The following FKBP15 variants were observed in gnomAD, a reference collection of about 807,000 sequenced individuals.
The protein encoded by FKBP15 is FK506-binding protein 15.
Under a neutral mutation model 158.1 loss-of-function variants are expected in FKBP15, and 106 were observed. That is an observed-to-expected ratio of 0.67 (90% CI 0.57 to 0.79). The LOEUF is 0.79. Among genes scored for constraint, FKBP15 ranks in the 30% least tolerant of loss-of-function variants. FKBP15 has a pLI of 0.00. For synonymous variants in FKBP15, 547 were observed against 548.6 expected, an observed-to-expected ratio of 1.00 and a Z score of 0.04; for missense variants, 1,287 against 1,479.1, an observed-to-expected ratio of 0.87 and a Z score of 2.13.
chr9:113,204,327 C>G (rs1830849053), intron 4 of FKBP15, among the ~76,000 whole-genome samples: 1 of 152,232 alleles, frequency 6.6e-6, no homozygotes, highest in Non-Finnish European at 1.5e-5. Flanking sequence ...CTTGGCTTTC[C>G]AAAGTGCTGG....
chr9:113,170,232 T>C (rs1165870545), intron 25 of FKBP15, among the ~76,000 whole-genome samples: 2 of 152,078 alleles, frequency 1.3e-5, no homozygotes, highest in Non-Finnish European at 1.5e-5. Context: ...CTCAAGTGAT[T>C]CTCCTGCCTC....
rs1830081361 is a variant in FKBP15 at position 113,165,316 on chromosome 9, T to C, written c.*762A>G. 1.3e-5 allele frequency: 2 copies of C among 152,220 alleles called. No individual in the cohort carries two copies. The highest frequency in any genetic ancestry group is 2.1e-4 in the South Asian group (1 of 4,832). 9.4% of individuals were successfully genotyped at this position (152,220 alleles called of 1,614,324 possible). A position where few individuals can be genotyped will look rare whatever the true frequency, so the allele number is the denominator to read the frequency against. On this transcript the variant is annotated 3_prime_UTR_variant, in exon 28 of 28. Transcript: ENST00000238256. Reference sequence around the variant, plus strand: ...TGGACTGGTCCTCACAGAACCATCATGCCCCAGGGATGAGCTAGGACTACA... The same window carrying C: ...TGGACTGGTCCTCACAGAACCATCACGCCCCAGGGATGAGCTAGGACTACA...
intron 20 of FKBP15, among the ~76,000 whole-genome samples, chr9:113,177,359 T>C (rs1317957870): frequency 6.6e-6 from 1 of 152,234 alleles, no homozygotes; most frequent in African/African-American, 2.4e-5. Context: ...TGGGAAACTT[T>C]TGAGACTCTT....
chr9:113,174,699 T>G (rs1055923584), intron 21 of FKBP15, 116 bp from the exon 22 acceptor site: 10 of 1,108,358 alleles, frequency 9.0e-6, no homozygotes, highest in Non-Finnish European at 1.2e-5. Flanking sequence ...GAAAACTCCA[T>G]TTTTTAGTTG....
intron 12 of FKBP15, among the ~76,000 whole-genome samples, chr9:113,188,956 T>G (rs1830529332): frequency 2.0e-5 from 3 of 152,260 alleles, no homozygotes; most frequent in Admixed American, 2.0e-4. Context: ...TAGGATTCAC[T>G]GCACCTGATT....
intron 1 of FKBP15, among the ~76,000 whole-genome samples, chr9:113,216,897 C>A (rs1363709650): frequency 1.4e-5 from 2 of 148,088 alleles, no homozygotes; most frequent in African/African-American, 5.0e-5. Flanking sequence ...CAGATTAATT[C>A]CATTTTCTTT....
At chr9:113,181,678 C>A (rs1345676963) in intron 19 of FKBP15, among the ~76,000 whole-genome samples, 1 of 152,040 alleles carries the variant, frequency 6.6e-6, no homozygotes, top group Non-Finnish European at 1.5e-5. Flanking sequence ...TCATTTTAGC[C>A]CTGAATAGTA....
intron 23 of FKBP15, 147 bp downstream of exon 23, chr9:113,173,306 A>G: frequency 1.3e-6 from 1 of 774,892 alleles, no homozygotes; most frequent in Non-Finnish European, 2.0e-6. Flanking sequence ...AAGTATGTGA[A>G]AGATAACTGA....
At chr9:113,196,333 G>C (rs1445752124) in intron 9 of FKBP15, among the ~76,000 whole-genome samples, 1 of 151,108 alleles carries the variant, frequency 6.6e-6, no homozygotes, top group African/African-American at 2.4e-5. Flanking sequence ...CACTGGGCAG[G>C]AGTTACTATT....
intron 4 of FKBP15, among the ~76,000 whole-genome samples, chr9:113,203,882 T>C (rs1830839939): frequency 6.6e-6 from 1 of 152,212 alleles, no homozygotes; most frequent in African/African-American, 2.4e-5. Context: ...TACTCTTTTG[T>C]CTTGCTTCTT....
At chr9:113,203,138 T>C (rs1428865206) in intron 4 of FKBP15, 103 bp from the exon 5 acceptor site, 1 of 756,218 alleles carries the variant, frequency 1.3e-6, no homozygotes, top group Non-Finnish European at 2.2e-6. Context: ...GTATCAAAGG[T>C]TGTGCTTCAT....
At position 113,172,384 on chromosome 9, in the gene FKBP15, A is replaced by G. The variant is rs1587951055; in HGVS notation, c.2533-678T>C. On this transcript the variant is annotated intron_variant, in intron 23 of 27. Transcript: ENST00000238256. ...TAACCAGTAATGGGATTGCTGGGTC[A>G]AATGGTAATTCTAGTTCTAGATCCT... Among the ~76,000 whole-genome samples, 2 of 152,316 alleles carry G rather than the reference A, an allele frequency of 1.3e-5. 1 individual carries two copies. Among genetic ancestry groups the G allele is most frequent in the Non-Finnish European group, 2.9e-5 (2 of 68,032 alleles).
At chr9:113,185,493 A>C (rs1236847514) in intron 15 of FKBP15, among the ~76,000 whole-genome samples, 1 of 152,202 alleles carries the variant, frequency 6.6e-6, no homozygotes, top group Non-Finnish European at 1.5e-5. Context: ...CCAGAACCAC[A>C]AATTATGTTG....
intron 23 of FKBP15, among the ~76,000 whole-genome samples, chr9:113,171,926 G>C (rs1368358456): frequency 2.6e-5 from 4 of 151,538 alleles, no homozygotes; most frequent in African/African-American, 9.7e-5. Context: ...GTATACATGT[G>C]CCATGTTGGT....
intron 2 of FKBP15, among the ~76,000 whole-genome samples, chr9:113,210,254 C>G (rs910806976): frequency 1.3e-5 from 2 of 151,994 alleles, no homozygotes; most frequent in Admixed American, 1.3e-4. Flanking sequence ...GATACACAAC[C>G]TGGCATGTCA....
chr9:113,205,259 T>C (rs1286639339), intron 4 of FKBP15, among the ~76,000 whole-genome samples: 1 of 152,176 alleles, frequency 6.6e-6, no homozygotes, highest in Non-Finnish European at 1.5e-5. Flanking sequence ...ATCTATAAAA[T>C]ATCTGCAAAT....
At chr9:113,180,746 T>G (rs188225708) in intron 19 of FKBP15, among the ~76,000 whole-genome samples, 9 of 152,334 alleles carry the variant, frequency 5.9e-5, no homozygotes, top group Admixed American at 5.9e-4. Flanking sequence ...GGTCTGTCCC[T>G]GTAAAATAAA....
chr9:113,186,086 A>T (rs895540817), intron 15 of FKBP15, among the ~76,000 whole-genome samples, 163 bp downstream of exon 15: 1 of 152,268 alleles, frequency 6.6e-6, no homozygotes, highest in Admixed American at 6.5e-5. Context: ...TTGCACATTT[A>T]AAATGAATGA....
rs1830164638 is a variant in FKBP15 at position 113,169,488 on chromosome 9, G to A, written c.3221C>T (p.Pro1074Leu). 2.5e-6 allele frequency: 4 copies of A among 1,614,024 alleles called. No homozygotes were observed. The East Asian group carries it at 8.9e-5, about 36-fold the overall frequency. ...TTCCCTGACACAGACCTTTCCTGATGGGTTGTCGGGCTTAGCTGCCATTGG... is the reference window on the plus strand; with the variant it reads ...TTCCCTGACACAGACCTTTCCTGATAGGTTGTCGGGCTTAGCTGCCATTGG... ...ASPMAAKPDN[P>L]SGKVCVREVA... The change falls in exon 26 of 28, where the codon CCA becomes CTA. Residue 1074 changes from proline to leucine, a missense_variant. Pro to Leu is a moderately conservative substitution (Grantham distance 98, BLOSUM62 -3). Transcript: ENST00000238256.
Sources: gnomAD v4.1 joint callset for allele counts (sites outside exome capture counted in the v4.1 genomes callset) on GRCh38, gnomAD v4.1.1 for gene constraint, MANE v1.5 for transcripts, NCBI Gene and HGNC (gene_info 2026-07-23, HGNC 2026-07-21) for gene names.